Variants in UBASH3B observed in about 807,000 individuals in gnomAD.
UBASH3B encodes ubiquitin associated and SH3 domain containing B.
UBASH3B carries 37 observed loss-of-function variants against 83.4 expected under a neutral mutation model. The observed-to-expected ratio is 0.44, with a 90% CI of 0.34 to 0.58. UBASH3B has a LOEUF of 0.58. Among genes scored for constraint, UBASH3B ranks in the 20% least tolerant of loss-of-function variants. The pLI is 0.01. For missense variants in UBASH3B, 657 were observed against 827.2 expected, an observed-to-expected ratio of 0.79 and a Z score of 2.52; for synonymous variants, 304 against 318.3, an observed-to-expected ratio of 0.96 and a Z score of 0.48.
rs1470631336 is a variant in UBASH3B at position 122,656,178 on chromosome 11, G to T, written c.129G>T (p.Val43=). 6.5e-7 allele frequency: 1 copy of T among 1,547,530 alleles called. No individual in the cohort carries two copies. The highest frequency in any genetic ancestry group is 8.7e-7 in the Non-Finnish European group (1 of 1,148,900). The change falls in exon 1 of 14, where the codon GTG becomes GTT. Residue 43 remains valine, a synonymous_variant. Coordinates refer to ENST00000284273, the MANE Select transcript of UBASH3B (RefSeq NM_032873.5). Reference sequence around the variant, plus strand: ...TCAAGCATGGATCGGCGCTGGACGTGCTCCTCTCCATGGGGTTCCCCAGAG... The same window carrying T: ...TCAAGCATGGATCGGCGCTGGACGTTCTCCTCTCCATGGGGTTCCCCAGAG... ...GTIKHGSALD[V]LLSMGFPRAR... is the part of the protein sequence containing the mutation.
At chr11:122,714,265 C>A (rs1864237566) in intron 1 of UBASH3B, among the ~76,000 whole-genome samples, 1 of 152,220 alleles carries the variant, frequency 6.6e-6, no homozygotes, top group Admixed American at 6.5e-5. Context: ...CAATTGCTGT[C>A]TACAGTGTTG....
intron 1 of UBASH3B, among the ~76,000 whole-genome samples, chr11:122,658,295 A>G (rs1020280201): frequency 6.6e-6 from 1 of 152,150 alleles, no homozygotes; most frequent in Non-Finnish European, 1.5e-5. Flanking sequence ...TTAAAAACCT[A>G]AATTGCTTAA....
chr11:122,798,753 G>A (rs182394373), intron 9 of UBASH3B, among the ~76,000 whole-genome samples, 189 bp from the exon 10 acceptor site: 94 of 151,126 alleles, frequency 6.2e-4, no homozygotes, highest in African/African-American at 2.2e-3. Flanking sequence ...TCTGTCGCTT[G>A]CTCTCATAGG....
At chr11:122,791,085 C>T (rs1861045653) in intron 6 of UBASH3B, among the ~76,000 whole-genome samples, 1 of 152,216 alleles carries the variant, frequency 6.6e-6, no homozygotes, top group East Asian at 1.9e-4. Context: ...GTCAGTGCGT[C>T]CCAGGGAGGT....
chr11:122,806,466 G>A lies in UBASH3B; in HGVS notation c.1652G>A (p.Ser551Asn), dbSNP rs1861341571. ...VVSESYDTYI[S>N]RSFQVTKEII... ...TCAGAATCCTATGATACTTATATCA[G>A]TAGAAGTTTCCAAGTAACAAAAGAA... Residue 551 changes from serine (S) to asparagine (N), a missense_variant, in exon 12 of 14, where the codon AGT (serine) becomes AAT (asparagine). Around this residue, in one of 3 missense-constraint regions of UBASH3B, gnomAD observed 573 missense variants for 739.0 expected, o/e 0.78. Transcript: ENST00000284273. This position sits in a 1 kb window ranked among gnomAD's most constrained non-coding sequence, Gnocchi z 4.0. 1 of 1,606,716 alleles carries A rather than the reference G, an allele frequency of 6.2e-7. No individual in the cohort carries two copies. The highest frequency in any genetic ancestry group is 2.2e-5 in the East Asian group (1 of 44,694).
intron 1 of UBASH3B, among the ~76,000 whole-genome samples, chr11:122,743,132 A>C (rs1326308826): frequency 6.6e-6 from 1 of 152,136 alleles, no homozygotes; most frequent in African/African-American, 2.4e-5. Flanking sequence ...CCAGAGTGGG[A>C]GATAGGAGTT....
chr11:122,762,054 A>G (rs1272374103), intron 1 of UBASH3B, among the ~76,000 whole-genome samples: 1 of 151,810 alleles, frequency 6.6e-6, no homozygotes, highest in Admixed American at 6.6e-5. Context: ...CACCTCCCAA[A>G]GTGTTGGGAT....
intron 1 of UBASH3B, among the ~76,000 whole-genome samples, chr11:122,764,326 T>G (rs1591803397): frequency 3.3e-5 from 5 of 152,370 alleles, no homozygotes; most frequent in Admixed American, 3.3e-4. Context: ...CAAAACACTT[T>G]ATCGATGTCA....
chr11:122,741,369 A>G (rs1188009274), intron 1 of UBASH3B, among the ~76,000 whole-genome samples: 1 of 152,222 alleles, frequency 6.6e-6, no homozygotes, highest in Admixed American at 6.5e-5. Context: ...ACAAAGACAT[A>G]AATCAACAAA....
At chr11:122,685,547 C>T (rs181212791) in intron 1 of UBASH3B, among the ~76,000 whole-genome samples, 10 of 152,144 alleles carry the variant, frequency 6.6e-5, no homozygotes, top group South Asian at 2.1e-4. Flanking sequence ...TTTTTTGTGT[C>T]GCTCTGTCAC....
chr11:122,697,986 C>T (rs567996849), intron 1 of UBASH3B, among the ~76,000 whole-genome samples: 17 of 152,200 alleles, frequency 1.1e-4, no homozygotes, highest in Non-Finnish European at 1.8e-4. Flanking sequence ...GGAAACTTGC[C>T]GAAAGTTGCA....
At chr11:122,752,226 C>T (rs546331854) in intron 1 of UBASH3B, among the ~76,000 whole-genome samples, 2 of 152,302 alleles carry the variant, frequency 1.3e-5, no homozygotes, top group African/African-American at 2.4e-5. Context: ...CTCCCCATCC[C>T]TTGGTACCCC....
At chr11:122,761,782 T>C (rs1861374572) in intron 1 of UBASH3B, among the ~76,000 whole-genome samples, 1 of 30,956 alleles carries the variant, frequency 3.2e-5, no homozygotes, top group Non-Finnish European at 6.2e-5. Flanking sequence ...CCAGATCCTT[T>C]TTTTTTTTTT....
At chr11:122,794,026 C>T (rs766985717) in intron 6 of UBASH3B, among the ~76,000 whole-genome samples, 1 of 152,092 alleles carries the variant, frequency 6.6e-6, no homozygotes, top group Non-Finnish European at 1.5e-5. Context: ...TCGTAGATTT[C>T]TTTTGAACCA....
intron 1 of UBASH3B, among the ~76,000 whole-genome samples, chr11:122,662,972 C>CTTTT (rs568564848): frequency 1.1e-4 from 12 of 110,594 alleles, no homozygotes; most frequent in Admixed American, 3.0e-4. Context: ...GCGCTAATGT[C>CTTTT]TTTTTTTTTT....
intron 1 of UBASH3B, among the ~76,000 whole-genome samples, chr11:122,730,065 C>A (rs1314777514): frequency 1.4e-5 from 2 of 147,518 alleles, no homozygotes; most frequent in Non-Finnish European, 3.0e-5. Flanking sequence ...GCAGGTGGAT[C>A]ACTTGAAGCC....
In UBASH3B at chr11:122,786,666, A is replaced by C. The variant is rs181858861; in HGVS notation, c.772-2434A>C. ...AGCGAGACTCCGTCTCACACAAAAA[A>C]AAGAGTTCTTACAAGTAGATGGCAA... is the stretch of plus-strand genomic sequence containing the variant. On this transcript the variant is annotated intron_variant, in intron 5 of 13. Coordinates refer to ENST00000284273, the MANE Select transcript of UBASH3B (RefSeq NM_032873.5). Among the ~76,000 whole-genome samples, 3 of 152,286 alleles carry C rather than the reference A, an allele frequency of 2.0e-5. No individual in the cohort carries two copies. In the East Asian group the frequency reaches 5.8e-4, roughly 30 times the overall value.
chr11:122,794,445 G>A (rs1197874301), intron 6 of UBASH3B, among the ~76,000 whole-genome samples: 2 of 152,168 alleles, frequency 1.3e-5, no homozygotes, highest in African/African-American at 4.8e-5. Context: ...GACCTCAGGT[G>A]ATCCGCCTGC....
Position 122,777,127 on chromosome 11 carries a change from T to A in UBASH3B, c.319T>A (p.Phe107Ile). Reference protein sequence around the residue: ...TGPLAQKLSDFWQQSKQICGK... With the variant: ...TGPLAQKLSDIWQQSKQICGK... ...CCCCTTAGCACAGAAGCTTTCCGAC[T>A]TTTGGCAGCAGTCGAAGCAGATCTG... The change falls in exon 3 of 14, where the codon TTT becomes ATT. Residue 107 changes from phenylalanine (F) to isoleucine (I), a missense_variant. Transcript: ENST00000284273. The A allele has an allele frequency of 6.2e-7, 1 of 1,614,138 alleles. No homozygotes were observed. The highest frequency in any genetic ancestry group is 8.5e-7 in the Non-Finnish European group (1 of 1,180,012).
Sources: allele counts gnomAD v4.1 joint callset (sites outside exome capture counted in the v4.1 genomes callset), GRCh38; gene constraint gnomAD v4.1.1; regional missense constraint gnomAD v4.1.1; non-coding constraint Gnocchi (gnomAD v3.1); transcripts MANE v1.5; gene names NCBI Gene and HGNC (gene_info 2026-07-23, HGNC 2026-07-21).